The following MAMLD1 variants were observed in gnomAD, a reference collection of about 807,000 sequenced individuals.
MAMLD1 encodes the protein mastermind like domain containing 1.
A neutral mutation model predicts 45.0 loss-of-function variants in MAMLD1; 14 were observed. That is an observed-to-expected ratio of 0.31 (90% CI 0.21 to 0.49). MAMLD1 has a LOEUF of 0.49. Ranked by LOEUF, MAMLD1 falls within the 20% of genes least tolerant of loss-of-function variation. The pLI, the probability that MAMLD1 is intolerant of heterozygous loss-of-function variation, is 0.99. For synonymous variants in MAMLD1, 254 were observed against 247.8 expected (o/e 1.02, Z -0.24); for missense variants, 543 against 603.6 (o/e 0.90, Z 1.05).
rs138743437 is a variant in MAMLD1, at chrX:150,424,434, T to C, written c.-63-21020T>C. Among the ~76,000 whole-genome samples the C allele has an allele frequency of 5.5e-3, 613 of 112,044 alleles. 2 individuals carry two copies. The highest frequency in any genetic ancestry group is 0.019 in the African/African-American group (588 of 30,850). Reference sequence around the variant, plus strand: ...GCAGCAGCAGCAGCAATGTCAAAAGTAGGATCAACCAGAGCTTAGAATATT... The same window carrying C: ...GCAGCAGCAGCAGCAATGTCAAAAGCAGGATCAACCAGAGCTTAGAATATT... On this transcript the variant is annotated intron_variant, in intron 1 of 7. Transcript: ENST00000370401.
chrX:150,421,599 G>T (rs782466000), intron 1 of MAMLD1, among the ~76,000 whole-genome samples: 12 of 112,400 alleles, frequency 1.1e-4, no homozygotes, highest in Non-Finnish European at 2.1e-4. Flanking sequence ...TATAATTGGA[G>T]ACAGAGGCTA....
chrX:150,482,681 T>C (rs1188224915), intron 5 of MAMLD1, among the ~76,000 whole-genome samples: 1 of 112,480 alleles, frequency 8.9e-6, no homozygotes, highest in Non-Finnish European at 1.9e-5. Flanking sequence ...GTAAGAGCAG[T>C]ATTTACTGCA....
Position 150,369,643 on chromosome X carries a change from T to C in MAMLD1, c.-64+6113T>C, listed in dbSNP as rs141405760. ...GCAGGCCTCCTAATCATTGGGTTGGTATACAGATAACGGGATCTAAACTCT... is the reference window on the plus strand; with the variant it reads ...GCAGGCCTCCTAATCATTGGGTTGGCATACAGATAACGGGATCTAAACTCT... On this transcript the variant is annotated intron_variant, in intron 1 of 7. Coordinates refer to ENST00000370401, the MANE Select transcript of MAMLD1 (RefSeq NM_005491.5). Among the ~76,000 whole-genome samples the C allele has an allele frequency of 1.4e-3, 157 of 112,231 alleles. 2 individuals are homozygous for C. The East Asian group carries it at 0.037, about 27-fold the overall frequency.
chrX:150,365,943 C>G (rs2031406557), intron 1 of MAMLD1, among the ~76,000 whole-genome samples: 1 of 112,760 alleles, frequency 8.9e-6, no homozygotes, highest in South Asian at 3.6e-4. Flanking sequence ...TTTCGAGAAC[C>G]AGGGCTTGCA....
At position 150,368,262 on chromosome X, in the gene MAMLD1, T is replaced by A. The variant is rs782759109; in HGVS notation, c.-64+4732T>A. On this transcript the variant is annotated intron_variant, in intron 1 of 7. Transcript: ENST00000370401. ...TTAATGATCGCCATTCTAACTGGTG[T>A]GAGATGGTATCTCATTGTGGTTTTG... Among the ~76,000 whole-genome samples the A allele has an allele frequency of 4.1e-3, 457 of 111,335 alleles. 1 individual carries two copies. The highest frequency in any genetic ancestry group is 5.8e-3 in the Non-Finnish European group (305 of 52,863).
chrX:150,362,432 C>A (rs186753228), upstream of MAMLD1, among the ~76,000 whole-genome samples: 26 of 107,117 alleles, frequency 2.4e-4, 1 homozygote, highest in African/African-American at 8.9e-4. Flanking sequence ...TCCTTATTTC[C>A]TCCTCTCCTC....
At chrX:150,374,236 G>A (rs782545364) in intron 1 of MAMLD1, among the ~76,000 whole-genome samples, 11 of 112,691 alleles carry the variant, frequency 9.8e-5, no homozygotes, top group Non-Finnish European at 1.5e-4. Context: ...TGGTTCTCTC[G>A]AGGATCTTTT....
chrX:150,416,964 C>T (rs2034263627), intron 1 of MAMLD1, among the ~76,000 whole-genome samples: 1 of 111,544 alleles, frequency 9.0e-6, no homozygotes. Flanking sequence ...AATGTGAACT[C>T]TTCACAAATC....
chrX:150,454,969 T>A (rs1201707711), intron 2 of MAMLD1, among the ~76,000 whole-genome samples: 1 of 111,557 alleles, frequency 9.0e-6, no homozygotes, highest in Non-Finnish European at 1.9e-5. Context: ...CCATCCCCTC[T>A]ACCACCACCA....
intron 1 of MAMLD1, among the ~76,000 whole-genome samples, chrX:150,404,819 C>A (rs1352386989): frequency 8.9e-6 from 1 of 111,947 alleles, no homozygotes; most frequent in Non-Finnish European, 1.9e-5. Flanking sequence ...TGACTGAGAC[C>A]CATTCAGGTT....
chrX:150,364,122 G>A (rs1195314360), intron 1 of MAMLD1, among the ~76,000 whole-genome samples: 1 of 112,973 alleles, frequency 8.9e-6, no homozygotes, highest in African/African-American at 3.2e-5. Context: ...GGTGTTCAGG[G>A]CAGCCCGGAC....
At chrX:150,438,672 T>G (rs1473805331) in intron 1 of MAMLD1, among the ~76,000 whole-genome samples, 2 of 112,431 alleles carry the variant, frequency 1.8e-5, no homozygotes, top group African/African-American at 6.5e-5. Context: ...CATTCATGTT[T>G]CAGCATGTTA....
chrX:150,401,571 T>A (rs1233837173), intron 1 of MAMLD1, among the ~76,000 whole-genome samples: 3 of 107,807 alleles, frequency 2.8e-5, no homozygotes, highest in Admixed American at 2.0e-4. Context: ...AAAAAACTAC[T>A]TTAAAGTTCA....
intron 6 of MAMLD1, 32 bp from the exon 7 acceptor site, chrX:150,509,929 TA>T: frequency 9.9e-7 from 1 of 1,014,163 alleles, no homozygotes. Flanking sequence ...TTGGTAGCTG[TA>T]ATCTAATTTG....
At chrX:150,363,934 C>T (rs2031178724) in intron 1 of MAMLD1, among the ~76,000 whole-genome samples, 1 of 113,222 alleles carries the variant, frequency 8.8e-6, no homozygotes, top group African/African-American at 3.2e-5. Flanking sequence ...GGCGACGGTG[C>T]CTTCACATGC....
chrX:150,377,239 C>A (rs914564633), intron 1 of MAMLD1, among the ~76,000 whole-genome samples: 1 of 113,431 alleles, frequency 8.8e-6, no homozygotes, highest in South Asian at 3.5e-4. Context: ...TGGCCCAGCT[C>A]TACTGCCTTG....
At chrX:150,481,964 A>AAAAGAAAGAAAGAAAGAAAG (rs57124938) in intron 5 of MAMLD1, among the ~76,000 whole-genome samples, 10 of 56,587 alleles carry the variant, frequency 1.8e-4, no homozygotes, top group African/African-American at 2.9e-4. Context: ...AAAGAAAGAA[A>AAAAGAAAGAAAGAAAGAAAG]AAAGAAAGAA....
intron 6 of MAMLD1, chrX:150,509,693 T>C: frequency 2.7e-6 from 1 of 369,232 alleles, no homozygotes; most frequent in East Asian, 4.7e-5. Context: ...AAAACTTTTT[T>C]CTGTGTGCTC....
At chrX:150,488,344 G>A (rs1296206840) in intron 5 of MAMLD1, among the ~76,000 whole-genome samples, 1 of 112,596 alleles carries the variant, frequency 8.9e-6, no homozygotes, top group African/African-American at 3.2e-5. Context: ...TTTTTCCCCT[G>A]AGAAAGTGGG....
Sources: allele counts gnomAD v4.1 joint callset (sites outside exome capture counted in the v4.1 genomes callset), GRCh38; gene constraint gnomAD v4.1.1; transcripts MANE v1.5; gene names NCBI Gene and HGNC (gene_info 2026-07-23, HGNC 2026-07-21).